Variants in KCNT2 observed in about 807,000 individuals in gnomAD.
The protein encoded by KCNT2 is potassium sodium-activated channel subfamily T member 2, also known as potassium channel subfamily T member 2.
In KCNT2, 67 loss-of-function variants were observed where a neutral mutation model predicts 153.8. The ratio of observed to expected loss-of-function variants is 0.44; its 90% CI spans 0.36 to 0.53. The LOEUF is 0.53. KCNT2 is among the 20% of genes least tolerant of loss of function. The pLI, the probability that KCNT2 is intolerant of heterozygous loss-of-function variation, is 0.00. For synonymous variants in KCNT2, 500 were observed against 458.8 expected (o/e 1.09, Z -1.15); for missense variants, 975 against 1,354.8 (o/e 0.72, Z 4.40).
rs193012163 is a variant in KCNT2 at position 196,313,562 on chromosome 1, G to A, written c.2483+2330C>T. ...TCTGTGTGATTTTGGTCATTTATGAGCAAAAGTGATTCTTCTTATATCATA... is the reference window on the plus strand; with the variant it reads ...TCTGTGTGATTTTGGTCATTTATGAACAAAAGTGATTCTTCTTATATCATA... On this transcript the variant is annotated intron_variant, in intron 21 of 27. Coordinates refer to ENST00000294725, the MANE Select transcript of KCNT2 (RefSeq NM_198503.5). Among the ~76,000 whole-genome samples, 138 of 151,678 alleles carry A rather than the reference G, an allele frequency of 9.1e-4. 1 individual carries two copies. The highest frequency in any genetic ancestry group is 3.4e-3 in the Middle Eastern group (1 of 292).
chr1:196,497,944 G>A (rs1680386098), intron 1 of KCNT2, among the ~76,000 whole-genome samples: 1 of 151,936 alleles, frequency 6.6e-6, no homozygotes, highest in African/African-American at 2.4e-5. Flanking sequence ...TAGTATCTTC[G>A]AATATGAATT....
chr1:196,563,639 C>A (rs774204359), intron 1 of KCNT2, among the ~76,000 whole-genome samples: 1 of 151,744 alleles, frequency 6.6e-6, no homozygotes, highest in Non-Finnish European at 1.5e-5. Context: ...AAGCCAAATT[C>A]AATAGCACAT....
At chr1:196,449,764 A>G (rs1301329346) in intron 8 of KCNT2, among the ~76,000 whole-genome samples, 2 of 151,668 alleles carry the variant, frequency 1.3e-5, no homozygotes, top group Non-Finnish European at 3.0e-5. Flanking sequence ...GAAATGTAAA[A>G]ATATCTGCAC....
rs1318859712 is a variant in KCNT2, at chr1:196,342,180, G to T, written c.1452C>A (p.Cys484Ter). 5.0e-6 allele frequency: 8 copies of T among 1,611,438 alleles called. No individual in the cohort carries two copies. Among genetic ancestry groups the T allele is most frequent in the African/African-American group, 1.3e-5 (1 of 74,698 alleles). Residue 484 changes from cysteine (C) to a stop codon, truncating the protein, a stop_gained, in exon 15 of 28, where the codon TGC (cysteine) becomes TGA (stop). Coordinates refer to ENST00000294725, the MANE Select transcript of KCNT2 (RefSeq NM_198503.5). LOFTEE classifies it high-confidence loss of function. ...PEQWQKMYGRCSGNEVYHIVL... is the reference protein window; with the variant it reads ...PEQWQKMYGR ...CAATGTGGTAGACTTCATTCCCGGAGCATCTACCGTACATCTTCTGCCATT... is the reference window on the plus strand; with the variant it reads ...CAATGTGGTAGACTTCATTCCCGGATCATCTACCGTACATCTTCTGCCATT...
At position 196,440,769 on chromosome 1, in the gene KCNT2, T is replaced by A. The variant is rs953573782; in HGVS notation, c.639-11012A>T. Among the ~76,000 whole-genome samples, 3 of 151,814 alleles carry A rather than the reference T, an allele frequency of 2.0e-5. No homozygotes were observed. In the East Asian group the frequency reaches 5.8e-4, roughly 30 times the overall value. On this transcript the variant is annotated intron_variant, in intron 8 of 27. Coordinates refer to ENST00000294725, the MANE Select transcript of KCNT2 (RefSeq NM_198503.5). ...AATACAACATTTAAAAAATTCTCCATCTCTACCCTTCATCTCAATTTGATT... is the reference window on the plus strand; with the variant it reads ...AATACAACATTTAAAAAATTCTCCAACTCTACCCTTCATCTCAATTTGATT...
intron 1 of KCNT2, among the ~76,000 whole-genome samples, chr1:196,537,540 C>T (rs1393525128): frequency 6.6e-6 from 1 of 152,128 alleles, no homozygotes; most frequent in Non-Finnish European, 1.5e-5. Context: ...TCACATGGGA[C>T]CTCCAGTTGT....
intron 20 of KCNT2, chr1:196,317,167 G>A: frequency 2.5e-6 from 1 of 398,844 alleles, no homozygotes; most frequent in Non-Finnish European, 5.1e-6. Context: ...AGGCGACAGG[G>A]TATTACCAAA....
intron 13 of KCNT2, among the ~76,000 whole-genome samples, chr1:196,391,753 G>T (rs975728010): frequency 6.6e-6 from 1 of 151,162 alleles, no homozygotes; most frequent in Non-Finnish European, 1.5e-5. Flanking sequence ...TGATTAAATG[G>T]ATAATGGTTA....
intron 13 of KCNT2, among the ~76,000 whole-genome samples, chr1:196,379,817 C>T (rs1669323117): frequency 6.6e-6 from 1 of 152,146 alleles, no homozygotes; most frequent in Admixed American, 6.5e-5. Flanking sequence ...AATCTGTAGG[C>T]CTAACAGGCC....
chr1:196,312,466 T>C lies in KCNT2; in HGVS notation c.2483+3426A>G, dbSNP rs143914832. ...AGAAGGAACGAATCAGGGTAAGTGA[T>C]AAATAAAAGGCCTGTCTAGGTCGTT... On this transcript the variant is annotated intron_variant, in intron 21 of 27. Coordinates refer to ENST00000294725, the MANE Select transcript of KCNT2 (RefSeq NM_198503.5). Among the ~76,000 whole-genome samples, 133 of 151,936 alleles carry C rather than the reference T, an allele frequency of 8.8e-4. 1 individual carries two copies. The East Asian group carries it at 0.024, about 28-fold the overall frequency.
At chr1:196,477,621 T>C (rs1003417632) in intron 5 of KCNT2, among the ~76,000 whole-genome samples, 1 of 151,986 alleles carries the variant, frequency 6.6e-6, no homozygotes, top group Non-Finnish European at 1.5e-5. Flanking sequence ...AAGAAATTGA[T>C]GTGCTAGATA....
intron 8 of KCNT2, among the ~76,000 whole-genome samples, chr1:196,452,788 G>A (rs573366446): frequency 6.6e-6 from 1 of 152,096 alleles, no homozygotes; most frequent in South Asian, 2.1e-4. Context: ...CCCAGGGAAA[G>A]CCAGTGTTGA....
At chr1:196,478,226 C>A (rs1678705395) in intron 5 of KCNT2, among the ~76,000 whole-genome samples, 1 of 152,138 alleles carries the variant, frequency 6.6e-6, no homozygotes. Flanking sequence ...ATCTTTTCAT[C>A]CAGCCAAAAT....
intron 1 of KCNT2, among the ~76,000 whole-genome samples, chr1:196,523,200 G>A (rs551640978): frequency 3.3e-5 from 5 of 152,156 alleles, no homozygotes; most frequent in Non-Finnish European, 7.4e-5. Flanking sequence ...AAGGTCTGTG[G>A]CTTCACTCCT....
intron 22 of KCNT2, among the ~76,000 whole-genome samples, chr1:196,304,237 G>T (rs1480768114): frequency 1.3e-5 from 2 of 152,178 alleles, no homozygotes; most frequent in African/African-American, 4.8e-5. Flanking sequence ...CCAGGAATTA[G>T]GACAGCATCT....
intron 22 of KCNT2, among the ~76,000 whole-genome samples, chr1:196,298,909 A>G (rs1012921732): frequency 8.6e-5 from 13 of 151,360 alleles, no homozygotes; most frequent in Non-Finnish European, 1.2e-4. Flanking sequence ...CCAAGTATTT[A>G]TTTTTATTAT....
At position 196,585,527 on chromosome 1, in the gene KCNT2, T is replaced by C. The variant is rs141024829; in HGVS notation, c.95+22688A>G. Among the ~76,000 whole-genome samples, 31 of 152,146 alleles carry C rather than the reference T, an allele frequency of 2.0e-4. 1 individual carries two copies. The East Asian group carries it at 5.4e-3, about 27-fold the overall frequency. ...TCAGTCGATAATTCAATTGCCCAAATAAATGGAATGGATGGGTCAATTTAG... is the reference window on the plus strand; with the variant it reads ...TCAGTCGATAATTCAATTGCCCAAACAAATGGAATGGATGGGTCAATTTAG... On this transcript the variant is annotated intron_variant, in intron 1 of 27. Coordinates refer to ENST00000294725, the MANE Select transcript of KCNT2 (RefSeq NM_198503.5).
chr1:196,543,776 C>T (rs1392456363), intron 1 of KCNT2, among the ~76,000 whole-genome samples: 1 of 152,118 alleles, frequency 6.6e-6, no homozygotes, highest in East Asian at 1.9e-4. Flanking sequence ...AAACCTGGAT[C>T]CCTTATACAT....
At chr1:196,461,015 G>T (rs1309584077) in intron 8 of KCNT2, among the ~76,000 whole-genome samples, 1 of 151,544 alleles carries the variant, frequency 6.6e-6, no homozygotes, top group East Asian at 1.9e-4. Flanking sequence ...CATTTACAAT[G>T]TAAGAAAAAC....
Sources: gnomAD v4.1 joint callset for allele counts (sites outside exome capture counted in the v4.1 genomes callset) on GRCh38, gnomAD v4.1.1 for gene constraint, MANE v1.5 for transcripts, NCBI Gene and HGNC (gene_info 2026-07-23, HGNC 2026-07-21) for gene names.